The following PEX5L variants were observed in gnomAD, a reference collection of about 807,000 sequenced individuals.
The protein encoded by PEX5L is PEX5-related protein.
PEX5L carries 30 observed loss-of-function variants against 84.0 expected under a neutral mutation model. The observed-to-expected ratio is 0.36, with a 90% confidence interval of 0.27 to 0.48. The LOEUF is 0.48. Ranked by LOEUF, PEX5L falls within the 20% of genes least tolerant of loss-of-function variation. The pLI is 0.99. For missense variants in PEX5L, 533 were observed against 754.6 expected (o/e 0.71, Z 3.44); for synonymous variants, 270 against 283.1 (o/e 0.95, Z 0.46).
At chr3:179,964,864 C>G (rs920027198) in intron 2 of PEX5L, among the ~76,000 whole-genome samples, 4 of 152,188 alleles carry the variant, frequency 2.6e-5, no homozygotes, top group Admixed American at 2.6e-4. Flanking sequence ...CTTTGCTAGG[C>G]ATTTATATAC....
At chr3:179,887,013 C>G (rs1327445990) in intron 4 of PEX5L, among the ~76,000 whole-genome samples, 1 of 152,214 alleles carries the variant, frequency 6.6e-6, no homozygotes, top group Non-Finnish European at 1.5e-5. Flanking sequence ...AAGACTGCCT[C>G]TACAAGGGAA....
intron 8 of PEX5L, among the ~76,000 whole-genome samples, chr3:179,838,836 G>A (rs1266954588): frequency 6.6e-6 from 1 of 152,034 alleles, no homozygotes; most frequent in Non-Finnish European, 1.5e-5. Flanking sequence ...ACTTAAGAAG[G>A]AAACGCTTTA....
intron 1 of PEX5L, among the ~76,000 whole-genome samples, chr3:179,984,275 G>C (rs1020728214): frequency 1.3e-5 from 2 of 152,006 alleles, no homozygotes; most frequent in African/African-American, 2.4e-5. Flanking sequence ...AGATATGATA[G>C]TCTAATTTTC....
chr3:179,876,845 T>C lies in PEX5L; in HGVS notation c.506-1368A>G, dbSNP rs111508129. ...TCCAATCCAGGTTGATTATTCCTTA[T>C]GCAAAATGCTTGGGACCAGGAGTGT... On this transcript the variant is annotated intron_variant, in intron 5 of 14. Coordinates refer to ENST00000467460, the MANE Select transcript of PEX5L (RefSeq NM_016559.3). 3.8e-3 allele frequency among the ~76,000 whole-genome samples: 423 copies of C among 109,888 alleles called. 3 individuals are homozygous for C. The highest frequency in any genetic ancestry group is 0.013 in the African/African-American group (397 of 30,710). The allele number at this position is 109,888 out of a possible 152,430, so 72.1% of individuals were successfully genotyped here.
At chr3:179,861,606 G>T (rs1470939861) in intron 7 of PEX5L, among the ~76,000 whole-genome samples, 1 of 152,188 alleles carries the variant, frequency 6.6e-6, no homozygotes, top group African/African-American at 2.4e-5. Context: ...GGGCCACCAT[G>T]AACAAGTAGC....
At chr3:179,904,659 T>C (rs1219876053) in intron 2 of PEX5L, among the ~76,000 whole-genome samples, 1 of 152,228 alleles carries the variant, frequency 6.6e-6, no homozygotes, top group Non-Finnish European at 1.5e-5. Flanking sequence ...TACTTATTAT[T>C]ACATATTAAT....
intron 8 of PEX5L, among the ~76,000 whole-genome samples, chr3:179,837,696 A>T (rs1735476045): frequency 6.6e-6 from 1 of 152,244 alleles, no homozygotes; most frequent in South Asian, 2.1e-4. Context: ...CAGTCATGGG[A>T]TGCTAAATAG....
At chr3:179,803,805 T>A (rs1213712811) in intron 14 of PEX5L, among the ~76,000 whole-genome samples, 1 of 152,214 alleles carries the variant, frequency 6.6e-6, no homozygotes, top group African/African-American at 2.4e-5. Flanking sequence ...TAGATCTGCC[T>A]GAAAATAAAA....
chr3:179,947,710 C>CTTTTT lies in PEX5L; in HGVS notation c.93+23879_93+23883dup, dbSNP rs34097310. ...TTAAATGTAATAATCAAAAAAGTTA[C>CTTTTT]TTTTTTTTTTTTTTGAGACGGAGTC... On this transcript the variant is annotated intron_variant, in intron 2 of 14. Coordinates refer to ENST00000467460, the MANE Select transcript of PEX5L (RefSeq NM_016559.3). Among the ~76,000 whole-genome samples, 16 of 139,374 alleles carry CTTTTT rather than the reference C, an allele frequency of 1.1e-4. 1 individual carries two copies. The highest frequency in any genetic ancestry group is 3.7e-3 in the Middle Eastern group (1 of 272). 91.4% of individuals were successfully genotyped at this position (139,374 alleles called of 152,430 possible).
intron 7 of PEX5L, among the ~76,000 whole-genome samples, chr3:179,867,197 C>T (rs921642731): frequency 6.6e-6 from 1 of 151,994 alleles, no homozygotes. Context: ...CAAATAAGTG[C>T]TGATTTGTGA....
chr3:179,986,743 A>G (rs1350637236), intron 1 of PEX5L, among the ~76,000 whole-genome samples: 1 of 152,168 alleles, frequency 6.6e-6, no homozygotes, highest in Non-Finnish European at 1.5e-5. Context: ...GAAAGGTCAC[A>G]CAACCTATAA....
chr3:179,900,064 C>A, intron 2 of PEX5L, among the ~76,000 whole-genome samples: 1 of 152,164 alleles, frequency 6.6e-6, no homozygotes, highest in South Asian at 2.1e-4. Flanking sequence ...GGCACTATAA[C>A]TTGTTTACAT....
chr3:179,808,695 A>G (rs1293708409), intron 12 of PEX5L, among the ~76,000 whole-genome samples: 2 of 152,170 alleles, frequency 1.3e-5, no homozygotes, highest in African/African-American at 2.4e-5. Flanking sequence ...TGTTGACTCT[A>G]TGAGTGCCAA....
At chr3:179,817,220 T>C (rs1440881494) in intron 9 of PEX5L, among the ~76,000 whole-genome samples, 1 of 152,232 alleles carries the variant, frequency 6.6e-6, no homozygotes, top group African/African-American at 2.4e-5. Context: ...TTTTTAATTG[T>C]AAAAATTTAA....
chr3:179,886,704 G>A (rs904000665), intron 4 of PEX5L, among the ~76,000 whole-genome samples: 4 of 152,120 alleles, frequency 2.6e-5, no homozygotes, highest in African/African-American at 7.2e-5. Flanking sequence ...TCTATCTCAT[G>A]CTAGTTACTC....
chr3:179,806,928 T>C (rs1202884765), intron 14 of PEX5L, among the ~76,000 whole-genome samples: 2 of 152,184 alleles, frequency 1.3e-5, no homozygotes, highest in Non-Finnish European at 2.9e-5. Flanking sequence ...TTTTGTGGGG[T>C]TCAAAACTAA....
chr3:179,955,484 T>C (rs73883426), intron 2 of PEX5L, among the ~76,000 whole-genome samples: 3,967 of 57,852 alleles, frequency 0.069, 190 homozygotes, highest in African/African-American at 0.23. Flanking sequence ...TGCTCTTTTT[T>C]TTTTTTTTTT....
chr3:180,036,913 T>G lies in PEX5L; in HGVS notation c.-314A>C. On this transcript the variant is annotated 5_prime_UTR_variant, in exon 1 of 15. Coordinates refer to ENST00000467460, the MANE Select transcript of PEX5L (RefSeq NM_016559.3). ...GGGCGTCTCTAGAACTCACTCCTTCTTCGCCGAACTCTTTCTCGCTTCCTG... is the reference window on the plus strand; with the variant it reads ...GGGCGTCTCTAGAACTCACTCCTTCGTCGCCGAACTCTTTCTCGCTTCCTG... 1 of 410,340 alleles carries G rather than the reference T, an allele frequency of 2.4e-6. No homozygotes were observed. 25.4% of individuals were successfully genotyped at this position (410,340 alleles called of 1,614,324 possible).
At chr3:179,853,057 A>T (rs1742530773) in intron 8 of PEX5L, among the ~76,000 whole-genome samples, 5 of 152,204 alleles carry the variant, frequency 3.3e-5, no homozygotes, top group Non-Finnish European at 7.3e-5. Flanking sequence ...AGAAGGATGA[A>T]TAAAGAAGGA....
Sources: gnomAD v4.1 joint callset for allele counts (sites outside exome capture counted in the v4.1 genomes callset) on GRCh38, gnomAD v4.1.1 for gene constraint, MANE v1.5 for transcripts, NCBI Gene and HGNC (gene_info 2026-07-23, HGNC 2026-07-21) for gene names.